The following GRIP1 variants were observed in gnomAD, a reference collection of about 807,000 sequenced individuals.
GRIP1 encodes glutamate receptor interacting protein 1.
A neutral mutation model predicts 129.9 loss-of-function variants in GRIP1; 45 were observed. The ratio of observed to expected loss-of-function variants is 0.35; its 90% confidence interval spans 0.27 to 0.44. GRIP1 has a LOEUF of 0.44. Ranked by LOEUF, GRIP1 falls within the 20% of genes least tolerant of loss-of-function variation. The pLI, the probability that GRIP1 is intolerant of heterozygous loss-of-function variation, is 1.00. For missense variants in GRIP1, 1,196 were observed against 1,396.8 expected (o/e 0.86, Z 2.29); for synonymous variants, 530 against 520.8 (o/e 1.02, Z -0.24).
chr12:66,879,424 TTAAATAAA>T (rs201894721), intron 1 of GRIP1, among the ~76,000 whole-genome samples: 1 of 151,886 alleles, frequency 6.6e-6, no homozygotes, highest in Admixed American at 6.6e-5. Flanking sequence ...CATTTATAGG[TTAAATAAA>T]TAAATAAATA....
intron 4 of GRIP1, among the ~76,000 whole-genome samples, chr12:66,530,310 A>G (rs1384775783): frequency 1.3e-5 from 2 of 152,188 alleles, no homozygotes; most frequent in African/African-American, 2.4e-5. Context: ...TAACTTCTGT[A>G]TTTATTTTTA....
chr12:66,817,402 A>C (rs1038030367), intron 1 of GRIP1, among the ~76,000 whole-genome samples: 4 of 152,088 alleles, frequency 2.6e-5, no homozygotes, highest in African/African-American at 9.6e-5. Flanking sequence ...TAAAACTGAA[A>C]ATTTTATTGT....
intron 7 of GRIP1, among the ~76,000 whole-genome samples, chr12:66,484,687 G>A (rs963212989): frequency 1.3e-5 from 2 of 152,038 alleles, no homozygotes; most frequent in Non-Finnish European, 2.9e-5. Context: ...GAGAAGGGGC[G>A]GGGGTGTGAA....
intron 1 of GRIP1, among the ~76,000 whole-genome samples, chr12:66,901,999 A>G (rs2040851512): frequency 6.6e-6 from 1 of 152,224 alleles, no homozygotes; most frequent in South Asian, 2.1e-4. Context: ...GGCAGAAAAC[A>G]TGAGCTTTGC....
At chr12:66,368,366 AC>A (rs1452620259) in intron 23 of GRIP1, among the ~76,000 whole-genome samples, 1 of 152,222 alleles carries the variant, frequency 6.6e-6, no homozygotes, top group African/African-American at 2.4e-5. Flanking sequence ...GAACAGGCGC[AC>A]CACTTGTTCT....
intron 4 of GRIP1, among the ~76,000 whole-genome samples, chr12:66,535,251 G>A (rs2061572619): frequency 2.0e-5 from 3 of 151,934 alleles, no homozygotes; most frequent in Admixed American, 1.3e-4. Flanking sequence ...TATCCCCAGA[G>A]GAATACAGAT....
chr12:67,001,672 C>T (rs1350527842), intron 1 of GRIP1, among the ~76,000 whole-genome samples: 1 of 152,140 alleles, frequency 6.6e-6, no homozygotes. Context: ...TGGAGCTAAA[C>T]AGCAGCTGTC....
intron 15 of GRIP1, among the ~76,000 whole-genome samples, chr12:66,410,671 AGAC>A (rs1463690188): frequency 3.1e-4 from 15 of 48,156 alleles, no homozygotes; most frequent in African/African-American, 4.5e-4. Flanking sequence ...ACAAACAAAC[AGAC>A]AAACAATGAA....
At chr12:66,724,909 G>A (rs17182043) in intron 1 of GRIP1, among the ~76,000 whole-genome samples, 24,704 of 152,086 alleles carry the variant, frequency 0.16, 2,210 homozygotes, top group Non-Finnish European at 0.19. Flanking sequence ...GCCTGCCCAC[G>A]GGATCTTTCT....
intron 1 of GRIP1, among the ~76,000 whole-genome samples, chr12:66,902,907 G>A (rs1192455800): frequency 6.6e-6 from 1 of 152,126 alleles, no homozygotes; most frequent in Non-Finnish European, 1.5e-5. Flanking sequence ...TTGGAAGTGA[G>A]GTACTAGGGA....
At chr12:66,542,327 A>G (rs1206144573) in intron 2 of GRIP1, among the ~76,000 whole-genome samples, 2 of 152,234 alleles carry the variant, frequency 1.3e-5, no homozygotes, top group Non-Finnish European at 2.9e-5. Flanking sequence ...AGAATTTTAG[A>G]TGATAATACG....
At chr12:66,543,862 T>C (rs1455159062) in intron 2 of GRIP1, among the ~76,000 whole-genome samples, 1 of 152,186 alleles carries the variant, frequency 6.6e-6, no homozygotes, top group African/African-American at 2.4e-5. Flanking sequence ...TAGTTTTTTT[T>C]AAGTGCTTAT....
At chr12:67,046,545 T>C (rs1349541015) in intron 1 of GRIP1, among the ~76,000 whole-genome samples, 2 of 152,228 alleles carry the variant, frequency 1.3e-5, no homozygotes, top group African/African-American at 2.4e-5. Context: ...ACCTCTGATA[T>C]AATCAAAACA....
At chr12:66,593,797 G>A (rs141174443) in intron 2 of GRIP1, among the ~76,000 whole-genome samples, 69 of 152,168 alleles carry the variant, frequency 4.5e-4, no homozygotes, top group Middle Eastern at 3.4e-3. Context: ...GGCTGGGCAC[G>A]GTGGCTCACA....
chr12:66,539,309 C>T (rs1208239558), intron 3 of GRIP1, 86 bp from the exon 4 acceptor site: 1 of 1,562,202 alleles, frequency 6.4e-7, no homozygotes, highest in East Asian at 2.2e-5. Flanking sequence ...TCATGGTAAG[C>T]ATGCAAGTGT....
At chr12:66,706,393 T>C (rs1440639569) in intron 1 of GRIP1, among the ~76,000 whole-genome samples, 1 of 151,936 alleles carries the variant, frequency 6.6e-6, no homozygotes, top group South Asian at 2.1e-4. Flanking sequence ...TGTGGAGAAA[T>C]AGAAAGGCTT....
intron 1 of GRIP1, among the ~76,000 whole-genome samples, chr12:66,775,308 T>C (rs1188003506): frequency 6.6e-6 from 1 of 152,222 alleles, no homozygotes; most frequent in East Asian, 1.9e-4. Context: ...AAGTTGACAG[T>C]GTCTGTTAAA....
At chr12:66,969,314 T>C (rs2042039658) in intron 1 of GRIP1, among the ~76,000 whole-genome samples, 1 of 152,212 alleles carries the variant, frequency 6.6e-6, no homozygotes, top group African/African-American at 2.4e-5. Flanking sequence ...CTTGTTCCAT[T>C]CTTATTTCTC....
chr12:66,347,624 A>G lies in GRIP1; in HGVS notation c.*1395T>C, dbSNP rs2054027229. On this transcript the variant is annotated 3_prime_UTR_variant, in exon 25 of 25. Transcript: ENST00000359742. ...ACAGTTTAATACTTGTTTGTTACAA[A>G]TAAAAATACATATTTAAGTGACTCA... 1 of 152,230 alleles carries G rather than the reference A, an allele frequency of 6.6e-6. No homozygotes were observed. Among genetic ancestry groups the G allele is most frequent in the Non-Finnish European group, 1.5e-5 (1 of 68,044 alleles). 9.4% of individuals were successfully genotyped at this position (152,230 alleles called of 1,614,324 possible).
Sources: allele counts gnomAD v4.1 joint callset (sites outside exome capture counted in the v4.1 genomes callset), GRCh38; gene constraint gnomAD v4.1.1; transcripts MANE v1.5; gene names NCBI Gene and HGNC (gene_info 2026-07-23, HGNC 2026-07-21).